The following TIAM1 variants were observed in gnomAD, a reference collection of about 807,000 sequenced individuals.
TIAM1 encodes rho guanine nucleotide exchange factor TIAM1.
Under a neutral mutation model 163.5 loss-of-function variants are expected in TIAM1, and 65 were observed. The observed-to-expected ratio is 0.40, with a 90% confidence interval of 0.33 to 0.49. The LOEUF (loss-of-function observed/expected upper bound fraction) is 0.49, where lower values mean the gene tolerates loss of function less well. Ranked by LOEUF, TIAM1 falls within the 20% of genes least tolerant of loss-of-function variation. The pLI is 0.77. For missense variants in TIAM1, 1,789 were observed against 2,044.7 expected, an observed-to-expected ratio of 0.87 and a Z score of 2.41; for synonymous variants, 833 against 810.1, an observed-to-expected ratio of 1.03 and a Z score of -0.48.
intron 3 of TIAM1, among the ~76,000 whole-genome samples, chr21:31,269,673 T>G (rs1193111145): frequency 1.6e-4 from 7 of 43,150 alleles, no homozygotes; most frequent in African/African-American, 2.7e-4. Flanking sequence ...GTTTGTTTGT[T>G]TTTTTTTTTT....
At chr21:31,365,383 C>CTTTTTTTTTT (rs201546931) in intron 2 of TIAM1, among the ~76,000 whole-genome samples, 8 of 138,438 alleles carry the variant, frequency 5.8e-5, no homozygotes, top group African/African-American at 1.9e-4. Context: ...TCACTTATTT[C>CTTTTTTTTTT]TTTCTTTTTT....
intron 22 of TIAM1, among the ~76,000 whole-genome samples, chr21:31,138,492 C>T (rs1459861763): frequency 6.6e-6 from 1 of 152,210 alleles, no homozygotes; most frequent in Admixed American, 6.5e-5. Flanking sequence ...TAGGCTGTTA[C>T]TTCACATTGC....
chr21:31,292,919 C>T (rs2146922924), intron 2 of TIAM1, among the ~76,000 whole-genome samples: 1 of 152,152 alleles, frequency 6.6e-6, no homozygotes, highest in African/African-American at 2.4e-5. Context: ...TCTGCCCTGA[C>T]CTCAGGTGAT....
intron 4 of TIAM1, among the ~76,000 whole-genome samples, chr21:31,257,453 C>T (rs1292332092): frequency 1.3e-5 from 2 of 152,136 alleles, no homozygotes; most frequent in East Asian, 1.9e-4. Context: ...TGAATCATTG[C>T]CTCTCCTTTC....
intron 1 of TIAM1, among the ~76,000 whole-genome samples, chr21:31,498,621 G>C (rs1033367261): frequency 6.6e-6 from 1 of 152,180 alleles, no homozygotes; most frequent in Non-Finnish European, 1.5e-5. Context: ...AAGGGTGTGG[G>C]ACTAGTGAGA....
chr21:31,329,389 T>C (rs2075602906), intron 2 of TIAM1, among the ~76,000 whole-genome samples: 1 of 152,194 alleles, frequency 6.6e-6, no homozygotes, highest in Non-Finnish European at 1.5e-5. Context: ...CTCACTTTCG[T>C]GCTAAGGTGC....
chr21:31,182,457 C>A lies in TIAM1; in HGVS notation c.2851G>T (p.Gly951Cys). 6.2e-7 allele frequency: 1 copy of A among 1,600,006 alleles called. No homozygotes were observed. The highest frequency in any genetic ancestry group is 8.5e-7 in the Non-Finnish European group (1 of 1,173,640). The change falls in exon 15 of 28, where the codon GGC (glycine) becomes TGC (cysteine). Residue 951 changes from glycine to cysteine, a missense_variant. By Grantham distance (159) the Gly-to-Cys change is radical. Coordinates refer to ENST00000541036, the MANE Select transcript of TIAM1 (RefSeq NM_001353694.2). ...PHRVDGPADL[G>C]ESPLAFLTSN... ...GTGAGAAAGGCGAGGGGGCTCTCGC[C>A]AAGGTCGGCAGGGCCGTCCACTCGG...
chr21:31,451,716 T>TGC lies in TIAM1; in HGVS notation c.-369+12265_-369+12266dup, dbSNP rs758516307. Among the ~76,000 whole-genome samples, 126 of 42,204 alleles carry TGC rather than the reference T, an allele frequency of 3.0e-3. 1 individual carries two copies. In the South Asian group the frequency reaches 0.034, roughly 12 times the overall value. The allele number at this position is 42,204 out of a possible 152,430, so 27.7% of individuals were successfully genotyped here. On this transcript the variant is annotated intron_variant, in intron 2 of 28. Coordinates refer to the TIAM1 transcript ENST00000286827. ...ACCAGGCTGAGTGAAAGCATGTGTG[T>TGC]GCGTGTGTGTGTGTGTGTGTGTGTG... is the stretch of plus-strand genomic sequence containing the variant.
rs2146720222 is a variant in TIAM1 at position 31,245,671 on chromosome 21, A to G, written c.1412-11T>C. On this transcript the variant is annotated splice_polypyrimidine_tract_variant and intron_variant, in intron 5 of 27. Transcript: ENST00000541036. The stretch of plus-strand genomic sequence containing the variant: ...AAAATAGCGTGCATCCTGAGGAAAC[A>G]GAACAGGGGTGTGCATGAGTATTCA... 1 of 1,541,546 alleles carries G rather than the reference A, an allele frequency of 6.5e-7. No homozygotes were observed. The highest frequency in any genetic ancestry group is 1.7e-4 in the Middle Eastern group (1 of 5,772).
intron 1 of TIAM1, among the ~76,000 whole-genome samples, chr21:31,504,534 C>T (rs2046965008): frequency 6.6e-6 from 1 of 152,160 alleles, no homozygotes; most frequent in African/African-American, 2.4e-5. Flanking sequence ...CTAGGTCGCT[C>T]CTCTGTTAGA....
intron 27 of TIAM1, among the ~76,000 whole-genome samples, chr21:31,122,454 G>A (rs1018886072): frequency 1.3e-5 from 2 of 152,146 alleles, no homozygotes; most frequent in Admixed American, 6.5e-5. Flanking sequence ...GGAGTAAAGT[G>A]TGTTAATGTC....
chr21:31,507,179 A>ATTTTTTTT (rs572356384), intron 1 of TIAM1, among the ~76,000 whole-genome samples: 3 of 44,582 alleles, frequency 6.7e-5, no homozygotes, highest in Admixed American at 3.2e-4. Flanking sequence ...CACCTTTTTA[A>ATTTTTTTT]TTTTTTTTTT....
chr21:31,526,135 TG>T (rs2047776530), intron 1 of TIAM1, among the ~76,000 whole-genome samples: 1 of 151,970 alleles, frequency 6.6e-6, no homozygotes, highest in Non-Finnish European at 1.5e-5. Context: ...CCATGCTGTG[TG>T]TTCAGGCCTG....
At chr21:31,435,631 T>C (rs1009092528) in intron 2 of TIAM1, among the ~76,000 whole-genome samples, 1 of 152,222 alleles carries the variant, frequency 6.6e-6, no homozygotes, top group African/African-American at 2.4e-5. Context: ...CTAGTGTTTC[T>C]TGGCCCCACT....
At position 31,360,802 on chromosome 21, in the gene TIAM1, T is replaced by C. The variant is rs78954254; in HGVS notation, c.-368-21380A>G. 6.5e-3 allele frequency among the ~76,000 whole-genome samples: 986 copies of C among 152,260 alleles called. 20 individuals are homozygous for C. The East Asian group carries it at 0.084, about 13-fold the overall frequency. On this transcript the variant is annotated intron_variant, in intron 2 of 28. Coordinates refer to the TIAM1 transcript ENST00000286827. ...TTCCAATGACCAATAAACCTATGAA[T>C]AGGAGCTTGGCCATGCTGGTTTTTC...
chr21:31,337,214 G>A (rs2075869076), intron 2 of TIAM1, among the ~76,000 whole-genome samples: 1 of 152,108 alleles, frequency 6.6e-6, no homozygotes, highest in African/African-American at 2.4e-5. Flanking sequence ...TTGAAGGGAA[G>A]GAAGCCCTGG....
rs142416759 is a variant in TIAM1, at chr21:31,274,770, C to T, written c.-12+1962G>A. On this transcript the variant is annotated intron_variant, in intron 3 of 27. Coordinates refer to ENST00000541036, the MANE Select transcript of TIAM1 (RefSeq NM_001353694.2). ...ATTAAAATCTGAGATTTGAGATGCACGTTCAACATACAGACCTTGAGACAG... is the reference window on the plus strand; with the variant it reads ...ATTAAAATCTGAGATTTGAGATGCATGTTCAACATACAGACCTTGAGACAG... Among the ~76,000 whole-genome samples the T allele has an allele frequency of 2.2e-4, 33 of 152,242 alleles. No homozygotes were observed. In the East Asian group the frequency reaches 4.8e-3, roughly 22 times the overall value.
At chr21:31,367,350 C>T (rs1207314731) in intron 2 of TIAM1, among the ~76,000 whole-genome samples, 4 of 152,158 alleles carry the variant, frequency 2.6e-5, no homozygotes, top group African/African-American at 9.7e-5. Flanking sequence ...GCTTGATTTG[C>T]ACCAAGACTT....
chr21:31,250,958 T>G (rs1183040025), intron 5 of TIAM1, among the ~76,000 whole-genome samples: 1 of 152,242 alleles, frequency 6.6e-6, no homozygotes, highest in Non-Finnish European at 1.5e-5. Flanking sequence ...ACACAAAGTT[T>G]GACTATTAAA....
Sources: allele counts gnomAD v4.1 joint callset (sites outside exome capture counted in the v4.1 genomes callset), GRCh38; gene constraint gnomAD v4.1.1; transcripts MANE v1.5; gene names NCBI Gene and HGNC (gene_info 2026-07-23, HGNC 2026-07-21).